Variants in CDYL observed in about 807,000 individuals in gnomAD.
CDYL encodes the protein chromodomain Y like.
In CDYL, 8 loss-of-function variants were observed where a neutral mutation model predicts 47.3. That is an observed-to-expected ratio of 0.17 (90% CI 0.10 to 0.31). The LOEUF (loss-of-function observed/expected upper bound fraction) is 0.31, where lower values mean the gene tolerates loss of function less well. CDYL is among the 10% of genes least tolerant of loss of function. CDYL has a pLI of 1.00. For synonymous variants in CDYL, 266 were observed against 265.0 expected (o/e 1.00, Z -0.04); for missense variants, 471 against 701.4 (o/e 0.67, Z 3.71).
intron 1 of CDYL, among the ~76,000 whole-genome samples, chr6:4,802,679 T>C (rs1759258472): frequency 6.6e-6 from 1 of 152,232 alleles, no homozygotes; most frequent in Non-Finnish European, 1.5e-5. Flanking sequence ...CATGAGCGTG[T>C]CTTTCTGTTG....
chr6:4,713,400 TAA>T (rs1757188500), intron 1 of CDYL, among the ~76,000 whole-genome samples: 1 of 152,052 alleles, frequency 6.6e-6, no homozygotes, highest in South Asian at 2.1e-4. Context: ...TTCCAGATGC[TAA>T]GAGAAGGCCG....
At chr6:4,872,094 G>A (rs1462661172) in intron 1 of CDYL, among the ~76,000 whole-genome samples, 5 of 152,194 alleles carry the variant, frequency 3.3e-5, no homozygotes, top group Admixed American at 2.6e-4. Context: ...TTTGTGGGCT[G>A]TGGAACAGCT....
At chr6:4,751,887 C>G (rs1233028892) in intron 3 of CDYL, among the ~76,000 whole-genome samples, 1 of 152,184 alleles carries the variant, frequency 6.6e-6, no homozygotes, top group African/African-American at 2.4e-5. Context: ...TATTAACATG[C>G]TATGGGGGTG....
chr6:4,895,130 CAT>C (rs1446062840), intron 2 of CDYL, among the ~76,000 whole-genome samples: 1 of 71,990 alleles, frequency 1.4e-5, no homozygotes, highest in Admixed American at 1.8e-4. Context: ...TATATATGTG[CAT>C]GTGTGTATAT....
At chr6:4,707,113 G>A (rs984595570) in intron 1 of CDYL, among the ~76,000 whole-genome samples, 1 of 152,126 alleles carries the variant, frequency 6.6e-6, no homozygotes, top group Non-Finnish European at 1.5e-5. Context: ...TATCCAAGAA[G>A]AGGTATACAT....
At chr6:4,874,082 C>G (rs1016051735) in intron 1 of CDYL, among the ~76,000 whole-genome samples, 4 of 152,194 alleles carry the variant, frequency 2.6e-5, no homozygotes, top group Non-Finnish European at 1.5e-5. Context: ...CACTCACACA[C>G]TCTCAACAGT....
At chr6:4,719,676 T>C (rs570158214) in intron 2 of CDYL, among the ~76,000 whole-genome samples, 12 of 152,322 alleles carry the variant, frequency 7.9e-5, no homozygotes, top group East Asian at 5.8e-4. Context: ...CCTTGGCTGA[T>C]AGACTTCAAA....
rs376981385 is a variant in CDYL at position 4,892,182 on chromosome 6, A to T, written c.494A>T (p.Lys165Ile). 8.7e-6 allele frequency: 14 copies of T among 1,614,090 alleles called. No homozygotes were observed. Among genetic ancestry groups the T allele is most frequent in the South Asian group, 1.1e-5 (1 of 91,084 alleles). The part of the protein sequence containing the change: ...VDGFQSESPE[K>I]LDPVEQGQED... ...GGCTTTCAGAGCGAGAGCCCTGAGA[A>T]ACTGGACCCCGTCGAGCAGGGTCAG... The change falls in exon 2 of 7, where the codon AAA becomes ATA. Residue 165 changes from lysine (K) to isoleucine (I), a missense_variant. Physicochemically the swap from Lys to Ile is moderately radical, Grantham distance 102. Around this residue, in one of 3 missense-constraint regions of CDYL, gnomAD observed 311 missense variants for 350.0 expected, o/e 0.89. Coordinates refer to ENST00000397588, the MANE Select transcript of CDYL (RefSeq NM_004824.4).
intron 2 of CDYL, among the ~76,000 whole-genome samples, chr6:4,732,694 A>C (rs578035649): frequency 1.3e-5 from 2 of 151,870 alleles, no homozygotes; most frequent in Non-Finnish European, 2.9e-5. Context: ...TTGGGGGGGA[A>C]TTCTCAGTAT....
chr6:4,873,167 G>T (rs918991940), intron 1 of CDYL, among the ~76,000 whole-genome samples: 1 of 152,146 alleles, frequency 6.6e-6, no homozygotes, highest in Non-Finnish European at 1.5e-5. Flanking sequence ...ACACCATTCT[G>T]CACTTGTTAG....
At chr6:4,735,227 G>A (rs933615850) in intron 3 of CDYL, among the ~76,000 whole-genome samples, 26 of 151,722 alleles carry the variant, frequency 1.7e-4, no homozygotes, top group Non-Finnish European at 3.1e-4. Flanking sequence ...TGGAGGTTGC[G>A]GTGAGCTGAG....
At chr6:4,902,864 G>C (rs1757111096) in intron 2 of CDYL, among the ~76,000 whole-genome samples, 1 of 152,022 alleles carries the variant, frequency 6.6e-6, no homozygotes, top group African/African-American at 2.4e-5. Context: ...AAATAAAATC[G>C]GATGTTTTTA....
intron 3 of CDYL, among the ~76,000 whole-genome samples, chr6:4,744,399 G>C (rs1239583136): frequency 6.6e-6 from 1 of 152,140 alleles, no homozygotes; most frequent in African/African-American, 2.4e-5. Flanking sequence ...GGAGGCTGAG[G>C]CAGGAGGATT....
intron 2 of CDYL, among the ~76,000 whole-genome samples, chr6:4,915,784 CT>C (rs367856462): frequency 2.0e-4 from 31 of 152,340 alleles, no homozygotes; most frequent in African/African-American, 7.0e-4. Flanking sequence ...CTTACCAGGT[CT>C]TTTCCAGAGA....
intron 1 of CDYL, among the ~76,000 whole-genome samples, chr6:4,804,984 T>G (rs1487288312): frequency 6.6e-6 from 1 of 152,146 alleles, no homozygotes; most frequent in African/African-American, 2.4e-5. Context: ...GAGAAATTGT[T>G]CATAGTAGCT....
chr6:4,723,965 A>T (rs1360626938), intron 2 of CDYL, among the ~76,000 whole-genome samples: 1 of 150,828 alleles, frequency 6.6e-6, no homozygotes, highest in Non-Finnish European at 1.5e-5. Context: ...GGATTAAAAG[A>T]GAGATTTATG....
intron 4 of CDYL, among the ~76,000 whole-genome samples, chr6:4,942,419 C>G (rs1758386586): frequency 6.6e-6 from 1 of 152,158 alleles, no homozygotes; most frequent in Admixed American, 6.5e-5. Flanking sequence ...AAGATCTGAA[C>G]AGATTGCTGT....
intron 2 of CDYL, among the ~76,000 whole-genome samples, chr6:4,918,887 T>G (rs555291730): frequency 3.3e-4 from 50 of 152,324 alleles, no homozygotes; most frequent in Non-Finnish European, 4.6e-4. Context: ...CCCTTAAGGA[T>G]TAATGCTCTC....
At chr6:4,863,255 G>A (rs1303526914) in intron 1 of CDYL, among the ~76,000 whole-genome samples, 1 of 152,138 alleles carries the variant, frequency 6.6e-6, no homozygotes, top group Non-Finnish European at 1.5e-5. Flanking sequence ...TGGGTACCGT[G>A]TTCACTGTTT....
Sources: allele counts gnomAD v4.1 joint callset (sites outside exome capture counted in the v4.1 genomes callset), GRCh38; gene constraint gnomAD v4.1.1; regional missense constraint gnomAD v4.1.1; transcripts MANE v1.5; gene names NCBI Gene and HGNC (gene_info 2026-07-23, HGNC 2026-07-21).